HSF5: variants seen among roughly 807,000 people sequenced by gnomAD.
HSF5 encodes heat shock factor protein 5.
Under a neutral mutation model 50.8 loss-of-function variants are expected in HSF5, and 5 were observed. That is an observed-to-expected ratio of 0.10 (90% CI 0.05 to 0.21). HSF5 has a LOEUF of 0.21. Among genes scored for constraint, HSF5 ranks in the 10% least tolerant of loss-of-function variants. HSF5 has a pLI of 1.00. For synonymous variants in HSF5, 307 were observed against 307.4 expected (o/e 1.00, Z 0.02); for missense variants, 564 against 762.6 (o/e 0.74, Z 3.07).
intron 5 of HSF5, among the ~76,000 whole-genome samples, chr17:58,457,628 T>C (rs898364812): frequency 6.6e-6 from 1 of 152,164 alleles, no homozygotes; most frequent in Non-Finnish European, 1.5e-5. Flanking sequence ...CAAATTTATA[T>C]GTGACTTTGA....
intron 5 of HSF5, among the ~76,000 whole-genome samples, chr17:58,458,441 T>C (rs1269353253): frequency 6.6e-6 from 1 of 152,194 alleles, no homozygotes; most frequent in African/African-American, 2.4e-5. Context: ...AATTTCGAAG[T>C]CTGGCATCTG....
chr17:58,480,418 G>T, intron 1 of HSF5, 151 bp from the exon 2 acceptor site: 3 of 676,024 alleles, frequency 4.4e-6, no homozygotes, highest in Non-Finnish European at 4.9e-6. Context: ...TCAGAATCAA[G>T]AATATGAGAC....
chr17:58,477,046 T>C, intron 2 of HSF5: 2 of 525,170 alleles, frequency 3.8e-6, no homozygotes, highest in Non-Finnish European at 6.8e-6. Flanking sequence ...GCTTGCTGGG[T>C]CCAGCCACCT....
At chr17:58,443,100 G>A (rs1974519165) in intron 5 of HSF5, among the ~76,000 whole-genome samples, 1 of 152,000 alleles carries the variant, frequency 6.6e-6, no homozygotes, top group African/African-American at 2.4e-5. Context: ...GTAGAGACGG[G>A]GTTTCACTGT....
At chr17:58,438,671 A>G (rs139706423) in intron 5 of HSF5, among the ~76,000 whole-genome samples, 1 of 152,226 alleles carries the variant, frequency 6.6e-6, no homozygotes, top group East Asian at 1.9e-4. Flanking sequence ...AAGCCCTAAA[A>G]GAAGAGATAA....
intron 2 of HSF5, among the ~76,000 whole-genome samples, chr17:58,473,896 C>T (rs142943162): frequency 1.3e-4 from 19 of 151,748 alleles, no homozygotes; most frequent in South Asian, 2.1e-4. Context: ...CAAGGTCTTG[C>T]TCGCAATGGC....
rs773682122 is a variant in HSF5, at chr17:58,488,125, C to G, written c.150G>C (p.Leu50=). ...CGCCCCCCGGCCCGGGCGGGCTGAG[C>G]AGCTCGGCCTCGAAGAGCGGCTGAT... is the stretch of plus-strand genomic sequence containing the variant. ...LIDQPLFEAE[L]LSPPGPGGGG... The change falls in exon 1 of 6, where the codon CTG becomes CTC. Residue 50 remains leucine (L), a synonymous_variant. Coordinates refer to ENST00000323777, the MANE Select transcript of HSF5 (RefSeq NM_001080439.3). The surrounding 1 kb of genome is among the most constrained non-coding windows in gnomAD (Gnocchi z 4.1). 3.8e-6 allele frequency: 6 copies of G among 1,571,098 alleles called. No homozygotes were observed. The highest frequency in any genetic ancestry group is 5.1e-6 in the Non-Finnish European group (6 of 1,167,760).
intron 2 of HSF5, among the ~76,000 whole-genome samples, chr17:58,469,635 T>C (rs1456816593): frequency 6.6e-6 from 1 of 152,178 alleles, no homozygotes; most frequent in East Asian, 1.9e-4. Context: ...TTTGACTATG[T>C]GCCTAGTATA....
chr17:58,476,436 A>C, intron 2 of HSF5: 6 of 1,061,882 alleles, frequency 5.7e-6, no homozygotes, highest in Non-Finnish European at 7.3e-6. Context: ...TCTGAGTTTA[A>C]CTTGAACGCT....
intron 5 of HSF5, among the ~76,000 whole-genome samples, chr17:58,458,088 C>T (rs1567912306): frequency 6.6e-6 from 1 of 152,176 alleles, no homozygotes; most frequent in Non-Finnish European, 1.5e-5. Flanking sequence ...ATGCCCCTGA[C>T]ATGAACATAA....
intron 4 of HSF5, among the ~76,000 whole-genome samples, chr17:58,461,831 C>G (rs1974797712): frequency 1.3e-5 from 2 of 152,124 alleles, no homozygotes; most frequent in South Asian, 4.1e-4. Flanking sequence ...GATTGCACCA[C>G]TGCACTCCAG....
chr17:58,476,082 T>C (rs1975008302), intron 2 of HSF5: 1 of 634,828 alleles, frequency 1.6e-6, no homozygotes, highest in Admixed American at 2.9e-5. Flanking sequence ...TCCCAAGGAC[T>C]GGAGAAAATT....
intron 5 of HSF5, among the ~76,000 whole-genome samples, 171 bp from the exon 6 acceptor site, chr17:58,422,601 C>G (rs187355386): frequency 6.6e-6 from 1 of 151,978 alleles, no homozygotes; most frequent in Non-Finnish European, 1.5e-5. Context: ...CTAAAGCACA[C>G]TGATGCAGCC....
At chr17:58,439,104 G>A (rs1974465176) in intron 5 of HSF5, among the ~76,000 whole-genome samples, 1 of 151,526 alleles carries the variant, frequency 6.6e-6, no homozygotes, top group Non-Finnish European at 1.5e-5. Flanking sequence ...GCCAGACTAG[G>A]CAACAGAGTG....
In HSF5 at chr17:58,458,952, T is replaced by C; in HGVS notation, c.1543-7A>G. 1.3e-6 allele frequency: 2 copies of C among 1,597,824 alleles called. No individual in the cohort carries two copies. The highest frequency in any genetic ancestry group is 1.7e-6 in the Non-Finnish European group (2 of 1,173,406). On this transcript the variant is annotated splice_region_variant and splice_polypyrimidine_tract_variant and intron_variant, in intron 4 of 5. Transcript: ENST00000323777. ...ATTTTATGTTGGCATCCACCTAAAATATTAAACCCATTCATTATTTGAGAT... is the reference window on the plus strand; with the variant it reads ...ATTTTATGTTGGCATCCACCTAAAACATTAAACCCATTCATTATTTGAGAT...
chr17:58,430,139 T>C (rs1263400204), intron 5 of HSF5, among the ~76,000 whole-genome samples: 5 of 152,126 alleles, frequency 3.3e-5, no homozygotes, highest in Admixed American at 6.5e-5. Flanking sequence ...AGTGGCGCAA[T>C]CTGGGCTCAC....
intron 1 of HSF5, among the ~76,000 whole-genome samples, chr17:58,485,701 C>CTTGCCA (rs1267747262): frequency 2.7e-5 from 4 of 147,000 alleles, no homozygotes; most frequent in African/African-American, 7.6e-5. Context: ...GAGCCAAGAT[C>CTTGCCA]TTGCCACTGC....
At chr17:58,453,267 G>A (rs1483000855) in intron 5 of HSF5, among the ~76,000 whole-genome samples, 1 of 152,116 alleles carries the variant, frequency 6.6e-6, no homozygotes, top group Non-Finnish European at 1.5e-5. Context: ...CAATATCCCT[G>A]AAGAACACAC....
chr17:58,441,392 T>C (rs1322904753), intron 5 of HSF5, among the ~76,000 whole-genome samples: 1 of 152,120 alleles, frequency 6.6e-6, no homozygotes, highest in Admixed American at 6.6e-5. Context: ...AAATGTATAG[T>C]TTTAAATGTT....
Sources: gnomAD v4.1 joint callset for allele counts (sites outside exome capture counted in the v4.1 genomes callset) on GRCh38, gnomAD v4.1.1 for gene constraint, Gnocchi (gnomAD v3.1) non-coding constraint, MANE v1.5 for transcripts, NCBI Gene and HGNC (gene_info 2026-07-23, HGNC 2026-07-21) for gene names.